Variants in JADE2 observed in about 807,000 individuals in gnomAD.
JADE2 encodes the protein E3 ubiquitin-protein ligase Jade-2.
A neutral mutation model predicts 85.7 loss-of-function variants in JADE2; 13 were observed. The observed-to-expected ratio is 0.15, with a 90% CI of 0.10 to 0.24. JADE2 has a LOEUF of 0.24. Ranked by LOEUF, JADE2 falls within the 10% of genes least tolerant of loss-of-function variation. The pLI, the probability that JADE2 is intolerant of heterozygous loss-of-function variation, is 1.00. For missense variants in JADE2, 846 were observed against 1,115.9 expected (o/e 0.76, Z 3.45); for synonymous variants, 440 against 456.1 (o/e 0.96, Z 0.45).
chr5:134,556,713 ACACACCT>A (rs1302930022), intron 4 of JADE2, among the ~76,000 whole-genome samples: 1 of 144,546 alleles, frequency 6.9e-6, no homozygotes, highest in Non-Finnish European at 1.5e-5. Flanking sequence ...CACACCACAC[ACACACCT>A]CACACATCAC....
chr5:134,559,726 C>T (rs1433348580), intron 4 of JADE2, 104 bp from the exon 5 acceptor site: 12 of 1,180,938 alleles, frequency 1.0e-5, no homozygotes, highest in African/African-American at 9.3e-5. Flanking sequence ...TGTCAAAGCA[C>T]ACTTGTCCAT....
At chr5:134,556,464 A>G (rs1267141086) in intron 4 of JADE2, among the ~76,000 whole-genome samples, 1 of 150,582 alleles carries the variant, frequency 6.6e-6, no homozygotes, top group Non-Finnish European at 1.5e-5. Context: ...CACACCTCAC[A>G]CATCACACAA....
chr5:134,578,562 A>G lies in JADE2; in HGVS notation c.1750A>G (p.Ile584Val). 6.2e-7 allele frequency: 1 copy of G among 1,613,252 alleles called. No homozygotes were observed. The highest frequency in any genetic ancestry group is 8.5e-7 in the Non-Finnish European group (1 of 1,179,340). The stretch of plus-strand genomic sequence containing the variant: ...CAGCTGGCTGGCACAGTCGGTGCAG[A>G]TCACAGCAGAGAACATGGCCATGAG... ...FNSWLAQSVQ[I>V]TAENMAMSEW... is the part of the protein sequence containing the mutation. The change falls in exon 12 of 12, where the codon ATC (isoleucine) becomes GTC (valine). Residue 584 changes from isoleucine to valine, a missense_variant. Around this residue, in one of 9 missense-constraint regions of JADE2, gnomAD observed 119 missense variants for 163.9 expected, o/e 0.73. Transcript: ENST00000681547. This position sits in a 1 kb window ranked among gnomAD's most constrained non-coding sequence, Gnocchi z 4.4.
chr5:134,562,057 C>T lies in JADE2; in HGVS notation c.685-143C>T. The T allele has an allele frequency of 1.3e-6, 1 of 771,862 alleles. No homozygotes were observed. Among genetic ancestry groups the T allele is most frequent in the South Asian group, 2.4e-5 (1 of 41,032 alleles). The allele number at this position is 771,862 out of a possible 1,614,324, so 47.8% of individuals were successfully genotyped here. A position where few individuals can be genotyped will look rare whatever the true frequency, so the allele number is the denominator to read the frequency against. On this transcript the variant is annotated intron_variant, in intron 6 of 11. Transcript: ENST00000681547. The surrounding 1 kb of genome is among the most constrained non-coding windows in gnomAD (Gnocchi z 4.6). ...CCTTCCTTCCTTCCTTGCATTGTAA[C>T]TCCTCAGAAGTTGTACGTGCCAGAG...
chr5:134,543,942 C>T (rs1762135216), intron 3 of JADE2, among the ~76,000 whole-genome samples: 1 of 152,180 alleles, frequency 6.6e-6, no homozygotes, highest in Non-Finnish European at 1.5e-5. Context: ...GGGGAATTAA[C>T]AAATTTTTGC....
intron 4 of JADE2, among the ~76,000 whole-genome samples, chr5:134,552,896 C>T (rs939806232): frequency 1.3e-5 from 2 of 151,778 alleles, no homozygotes; most frequent in African/African-American, 4.8e-5. Flanking sequence ...TGATCTTGAA[C>T]TCCTGGGCTC....
At chr5:134,535,292 G>A (rs1027906920) in intron 1 of JADE2, among the ~76,000 whole-genome samples, 1 of 152,162 alleles carries the variant, frequency 6.6e-6, no homozygotes, top group African/African-American at 2.4e-5. Context: ...GGCCTGATGT[G>A]TCTCAGGGAC....
chr5:134,526,634 C>T, intron 1 of JADE2: 1 of 985,468 alleles, frequency 1.0e-6, no homozygotes, highest in Non-Finnish European at 1.2e-6. Context: ...TCCGCCCTGT[C>T]GCCCCCTCTC....
chr5:134,532,133 C>G lies in JADE2; in HGVS notation c.1-3725C>G, dbSNP rs1055982598. Reference sequence around the variant, plus strand: ...CTCCTAAGCTCAAGTGAGCCACCTGCTTTGGCCTCCATAAGTGCTGGGATT... The same window carrying G: ...CTCCTAAGCTCAAGTGAGCCACCTGGTTTGGCCTCCATAAGTGCTGGGATT... On this transcript the variant is annotated intron_variant, in intron 1 of 11. Transcript: ENST00000681547. 7.2e-5 allele frequency among the ~76,000 whole-genome samples: 11 copies of G among 152,164 alleles called. No homozygotes were observed. In the East Asian group the frequency reaches 2.1e-3, roughly 29 times the overall value.
At chr5:134,527,748 T>G (rs928077595) in intron 1 of JADE2, among the ~76,000 whole-genome samples, 2 of 149,464 alleles carry the variant, frequency 1.3e-5, no homozygotes, top group Non-Finnish European at 3.0e-5. Flanking sequence ...GCAACTCCCC[T>G]CCCAATCCCC....
At chr5:134,563,726 T>G (rs182616849) in intron 7 of JADE2, among the ~76,000 whole-genome samples, 2 of 152,220 alleles carry the variant, frequency 1.3e-5, no homozygotes, top group African/African-American at 4.8e-5. Context: ...GGCACTTGCT[T>G]GCAGATCAGC....
chr5:134,569,832 G>C (rs1387618246), intron 9 of JADE2, among the ~76,000 whole-genome samples: 1 of 152,164 alleles, frequency 6.6e-6, no homozygotes, highest in Non-Finnish European at 1.5e-5. Context: ...CCAGCCTGCA[G>C]ACCTCTGGCT....
At chr5:134,573,066 C>T (rs573278480) in intron 9 of JADE2, among the ~76,000 whole-genome samples, 1 of 152,362 alleles carries the variant, frequency 6.6e-6, no homozygotes, top group South Asian at 2.1e-4. Flanking sequence ...TGGGTTAGGA[C>T]TTTCTGCTCA....
At chr5:134,559,463 C>T (rs573708530) in intron 4 of JADE2, among the ~76,000 whole-genome samples, 2 of 152,198 alleles carry the variant, frequency 1.3e-5, no homozygotes, top group Non-Finnish European at 2.9e-5. Flanking sequence ...AGTGTTAGAT[C>T]CAAACTGCTG....
At chr5:134,555,774 G>A (rs1430635327) in intron 4 of JADE2, among the ~76,000 whole-genome samples, 1 of 152,202 alleles carries the variant, frequency 6.6e-6, no homozygotes, top group Non-Finnish European at 1.5e-5. Flanking sequence ...CAGTTTCATG[G>A]GGAAAGGCAG....
intron 3 of JADE2, among the ~76,000 whole-genome samples, chr5:134,545,271 A>T (rs551657868): frequency 6.6e-6 from 1 of 152,294 alleles, no homozygotes; most frequent in East Asian, 1.9e-4. Context: ...ATAGTTGGAA[A>T]CGTTGCTGCT....
In JADE2 at chr5:134,562,229, G is replaced by T. The variant is rs200918265; in HGVS notation, c.714G>T (p.Thr238=). ...GCTACGGGATCCTCAAGGTGCCCAC[G>T]GGCAGCTGGCTGTGCCGGACGTGTG... ...QACYGILKVP[T]GSWLCRTCAL... Residue 238 remains threonine (T), a synonymous_variant, in exon 7 of 12, where the codon ACG becomes ACT. Transcript: ENST00000681547. The surrounding 1 kb of genome is among the most constrained non-coding windows in gnomAD (Gnocchi z 4.6). 6.2e-7 allele frequency: 1 copy of T among 1,613,442 alleles called. No individual in the cohort carries two copies. The highest frequency in any genetic ancestry group is 1.3e-5 in the African/African-American group (1 of 75,038).
rs1166792964 is a variant in JADE2 at position 134,582,974 on chromosome 5, T to G, written c.*3657T>G. 1.3e-5 allele frequency: 2 copies of G among 152,676 alleles called. No homozygotes were observed. The highest frequency in any genetic ancestry group is 2.9e-5 in the Non-Finnish European group (2 of 68,044). The allele number at this position is 152,676 out of a possible 1,614,324, so 9.5% of individuals were successfully genotyped here. On this transcript the variant is annotated 3_prime_UTR_variant, in exon 12 of 12. Transcript: ENST00000681547. Reference sequence around the variant, plus strand: ...ATTTTTCATTAACGCAAAGACCTATTTCTCCTTTTTGTACATTGTCCATGT... The same window carrying G: ...ATTTTTCATTAACGCAAAGACCTATGTCTCCTTTTTGTACATTGTCCATGT...
chr5:134,529,079 G>T (rs913547657), intron 1 of JADE2, among the ~76,000 whole-genome samples: 1 of 152,186 alleles, frequency 6.6e-6, no homozygotes, highest in Non-Finnish European at 1.5e-5. Flanking sequence ...GGGTGTTCTG[G>T]CTCTAACCTA....
Sources: gnomAD v4.1 joint callset for allele counts (sites outside exome capture counted in the v4.1 genomes callset) on GRCh38, gnomAD v4.1.1 for gene constraint, gnomAD v4.1.1 regional missense constraint, Gnocchi (gnomAD v3.1) non-coding constraint, MANE v1.5 for transcripts, NCBI Gene and HGNC (gene_info 2026-07-23, HGNC 2026-07-21) for gene names.